The following ANKRD26 variants were observed in gnomAD, a reference collection of about 807,000 sequenced individuals.
The protein encoded by ANKRD26 is ankyrin repeat domain-containing protein 26.
In ANKRD26, 141 loss-of-function variants were observed where a neutral mutation model predicts 208.7. The ratio of observed to expected loss-of-function variants is 0.68; its 90% CI spans 0.59 to 0.78. The LOEUF is 0.78. Ranked by LOEUF, ANKRD26 falls within the 30% of genes least tolerant of loss-of-function variation. The pLI is 0.00. For synonymous variants in ANKRD26, 636 were observed against 660.4 expected (o/e 0.96, Z 0.57); for missense variants, 1,889 against 1,938.7 (o/e 0.97, Z 0.48).
chr10:27,044,090 A>C (rs1482013020), intron 19 of ANKRD26, 67 bp downstream of exon 19: 5 of 1,190,140 alleles, frequency 4.2e-6, no homozygotes, highest in Non-Finnish European at 5.7e-6. Context: ...CACTGTGCCC[A>C]GCCCACTTTA....
Position 27,093,668 on chromosome 10 carries a change from A to T in ANKRD26, c.357+17T>A, listed in dbSNP as rs551852240. 162 of 1,608,770 alleles carry T rather than the reference A, an allele frequency of 1.0e-4. 2 individuals are homozygous for T. In the South Asian group the frequency reaches 1.6e-3, roughly 16 times the overall value. ...AGTCAAATCCATCTGATGCTGAAAG[A>T]GCTGGCTACTATATACCTTCATCAG... On this transcript the variant is annotated intron_variant, in intron 2 of 33. Transcript: ENST00000376087.
At chr10:27,003,592 T>G (rs1419403632), downstream of ANKRD26, among the ~76,000 whole-genome samples, 1 of 152,166 alleles carries the variant, frequency 6.6e-6, no homozygotes, top group African/African-American at 2.4e-5. Flanking sequence ...GATGTTGACT[T>G]TGATTATTTC....
At chr10:26,950,176 G>A in the ANKRD26 span, among the ~76,000 whole-genome samples, 4 of 152,146 alleles carry the variant, frequency 2.6e-5, no homozygotes, top group Non-Finnish European at 4.4e-5. Context: ...TGGATCATGG[G>A]AGCAGTTTTC....
intron 5 of ANKRD26, among the ~76,000 whole-genome samples, chr10:26,993,428 G>A (rs2052525219): frequency 6.6e-6 from 1 of 152,148 alleles, no homozygotes; most frequent in African/African-American, 2.4e-5. Context: ...TTGGCCCTTT[G>A]TGTGGTTTCT....
In ANKRD26 at chr10:26,975,716, C is replaced by G. The variant is rs185007800; in HGVS notation, c.*608G>C. Among the ~76,000 whole-genome samples the G allele has an allele frequency of 3.3e-5, 5 of 152,138 alleles. No homozygotes were observed. The East Asian group carries it at 5.8e-4, about 18-fold the overall frequency. On this transcript the variant is annotated 3_prime_UTR_variant and NMD_transcript_variant, in exon 6 of 6. Coordinates refer to the ANKRD26 transcript ENST00000674670. ...AAATAGTCAGGCATGTGGCAGACAC[C>G]TCATAATTGCAGCTACTTAGGAGGC...
chr10:26,972,751 C>T (rs980111563), downstream of ANKRD26, among the ~76,000 whole-genome samples: 3 of 151,860 alleles, frequency 2.0e-5, no homozygotes, highest in Admixed American at 1.3e-4. Flanking sequence ...CCACCGTGCC[C>T]GGCTAATTTT....
Position 27,035,007 on chromosome 10 carries a change from T to C in ANKRD26, c.3443A>G (p.Gln1148Arg). ...CTTGTTGTGGGCATCATCCAGTTGT[T>C]GTCGAAGCAACATATTCTCACTTTG... is the stretch of plus-strand genomic sequence containing the variant. ...QLQSENMLLR[Q>R]QLDDAHNKAD... The change falls in exon 24 of 34, where the codon CAA becomes CGA. Residue 1148 changes from glutamine to arginine, a missense_variant. Physicochemically the swap from Gln to Arg is conservative, Grantham distance 43. Around this residue, in one of 3 missense-constraint regions of ANKRD26, gnomAD observed 613 missense variants for 648.2 expected, o/e 0.95. Transcript: ENST00000376087. 1 of 1,614,100 alleles carries C rather than the reference T, an allele frequency of 6.2e-7. No individual in the cohort carries two copies. Among genetic ancestry groups the C allele is most frequent in the Non-Finnish European group, 8.5e-7 (1 of 1,179,956 alleles).
At chr10:27,017,179 G>C (rs779798073) in intron 30 of ANKRD26, among the ~76,000 whole-genome samples, 4 of 152,170 alleles carry the variant, frequency 2.6e-5, no homozygotes, top group Non-Finnish European at 5.9e-5. Flanking sequence ...ATTTTAAAAA[G>C]TGAGCAATGT....
chr10:27,065,560 C>A (rs2135481456), intron 11 of ANKRD26, among the ~76,000 whole-genome samples: 1 of 152,068 alleles, frequency 6.6e-6, no homozygotes, highest in South Asian at 2.1e-4. Flanking sequence ...TTTATTGTCA[C>A]TGGAAATGAT....
At chr10:27,065,365 A>T (rs966075363) in intron 11 of ANKRD26, among the ~76,000 whole-genome samples, 1 of 152,198 alleles carries the variant, frequency 6.6e-6, no homozygotes, top group African/African-American at 2.4e-5. Flanking sequence ...AATTTATTCA[A>T]GTTCAAACAT....
At chr10:26,977,974 G>A (rs2052251911) in intron 5 of ANKRD26, among the ~76,000 whole-genome samples, 1 of 152,034 alleles carries the variant, frequency 6.6e-6, no homozygotes, top group African/African-American at 2.4e-5. Context: ...AAATTCCCCA[G>A]GAATAAAGCT....
intron 17 of ANKRD26, among the ~76,000 whole-genome samples, chr10:27,047,339 G>A (rs527408034): frequency 6.6e-6 from 1 of 152,126 alleles, no homozygotes; most frequent in African/African-American, 2.4e-5. Flanking sequence ...TAAAATAATG[G>A]GCTGGTCACG....
At chr10:26,948,927 G>A in the ANKRD26 span, among the ~76,000 whole-genome samples, 8 of 152,048 alleles carry the variant, frequency 5.3e-5, no homozygotes, top group South Asian at 4.2e-4. Context: ...CCCGGGAGGC[G>A]GAGGTTGCAG....
At chr10:26,997,921 C>T (rs1490434400) in intron 4 of ANKRD26, among the ~76,000 whole-genome samples, 1 of 152,180 alleles carries the variant, frequency 6.6e-6, no homozygotes, top group Non-Finnish European at 1.5e-5. Flanking sequence ...CTAGCGTCGG[C>T]CCCCTGGTCC....
chr10:27,013,662 G>A lies in ANKRD26; in HGVS notation c.4725-552C>T, dbSNP rs535258684. 1.9e-4 allele frequency among the ~76,000 whole-genome samples: 29 copies of A among 152,288 alleles called. No individual in the cohort carries two copies. In the South Asian group the frequency reaches 5.6e-3, roughly 29 times the overall value. On this transcript the variant is annotated intron_variant, in intron 31 of 33. Transcript: ENST00000376087. ...GAGATTAAAAAATTCCTCAAGACAT[G>A]TGCAAGCATTTGCTTTCACCACCCT...
At chr10:26,987,062 A>G (rs2052401455), downstream of ANKRD26, among the ~76,000 whole-genome samples, 1 of 152,252 alleles carries the variant, frequency 6.6e-6, no homozygotes, top group Admixed American at 6.5e-5. Flanking sequence ...TGGATTAAGA[A>G]AATGTGGCAC....
chr10:27,061,384 A>C, intron 12 of ANKRD26, 142 bp from the exon 13 acceptor site: 1 of 555,538 alleles, frequency 1.8e-6, no homozygotes, highest in South Asian at 2.6e-5. Flanking sequence ...GTGTTTATTT[A>C]AAATAACAAT....
chr10:27,068,881 T>C (rs1190769203), intron 9 of ANKRD26, among the ~76,000 whole-genome samples: 2 of 149,810 alleles, frequency 1.3e-5, no homozygotes, highest in African/African-American at 2.5e-5. Flanking sequence ...AAAAAGTGAA[T>C]TGCAATAATA....
At chr10:26,952,192 T>C in the ANKRD26 span, among the ~76,000 whole-genome samples, 1 of 152,024 alleles carries the variant, frequency 6.6e-6, no homozygotes. Flanking sequence ...AAAGCCTCTT[T>C]CCCACGTTTT....
Sources: gnomAD v4.1 joint callset for allele counts (sites outside exome capture counted in the v4.1 genomes callset) on GRCh38, gnomAD v4.1.1 for gene constraint, gnomAD v4.1.1 regional missense constraint, MANE v1.5 for transcripts, NCBI Gene and HGNC (gene_info 2026-07-23, HGNC 2026-07-21) for gene names.